KCNJ6: variants seen among roughly 807,000 people sequenced by gnomAD.
KCNJ6 encodes G protein-activated inward rectifier potassium channel 2.
A neutral mutation model predicts 34.2 loss-of-function variants in KCNJ6; 9 were observed. That is an observed-to-expected ratio of 0.26 (90% CI 0.16 to 0.46). The LOEUF (loss-of-function observed/expected upper bound fraction) is 0.46. Among genes scored for constraint, KCNJ6 ranks in the 20% least tolerant of loss-of-function variants. The pLI is 1.00. For missense variants in KCNJ6, 236 were observed against 531.3 expected, an observed-to-expected ratio of 0.44 and a Z score of 5.46; for synonymous variants, 196 against 207.1, an observed-to-expected ratio of 0.95 and a Z score of 0.46.
Position 37,614,768 on chromosome 21 carries a change from G to A in KCNJ6, c.*10391C>T, listed in dbSNP as rs562938351. 27 of 151,312 alleles carry A rather than the reference G, an allele frequency of 1.8e-4. No homozygotes were observed. The highest frequency in any genetic ancestry group is 6.1e-4 in the African/African-American group (25 of 41,018). The allele number at this position is 151,312 out of a possible 1,614,324, so 9.4% of individuals were successfully genotyped here. A position where few individuals can be genotyped will look rare whatever the true frequency, so the allele number is the denominator to read the frequency against. ...TCTCTGTATGTGTGTGTATGCATGT[G>A]TCTGTGTGTATGTGTGTGTGTATGC... On this transcript the variant is annotated 3_prime_UTR_variant, in exon 4 of 4. Transcript: ENST00000609713.
intron 2 of KCNJ6, among the ~76,000 whole-genome samples, chr21:37,761,451 GTGT>G (rs1329427619): frequency 3.0e-4 from 45 of 151,320 alleles, no homozygotes; most frequent in African/African-American, 1.1e-3. Flanking sequence ...ATATTTGTGT[GTGT>G]TGTGTGTATG....
chr21:37,661,587 G>A (rs2054488231), intron 3 of KCNJ6, among the ~76,000 whole-genome samples: 2 of 135,924 alleles, frequency 1.5e-5, no homozygotes, highest in South Asian at 4.9e-4. Flanking sequence ...AAAATTAGAA[G>A]CTCCACCCAT....
chr21:37,674,562 T>C (rs532176640), intron 3 of KCNJ6, among the ~76,000 whole-genome samples: 2 of 151,260 alleles, frequency 1.3e-5, no homozygotes, highest in Non-Finnish European at 2.9e-5. Context: ...AAGCTTCCTT[T>C]CACCACAGGG....
At chr21:37,887,351 C>G (rs2055741004) in intron 1 of KCNJ6, among the ~76,000 whole-genome samples, 1 of 152,160 alleles carries the variant, frequency 6.6e-6, no homozygotes, top group African/African-American at 2.4e-5. Context: ...TCCTGCAAAA[C>G]CAAGCCCCTT....
rs1601433626 is a variant in KCNJ6 at position 37,714,945 on chromosome 21, C to G, written c.212G>C (p.Arg71Thr). 1 of 1,613,902 alleles carries G rather than the reference C, an allele frequency of 6.2e-7. No homozygotes were observed. Among genetic ancestry groups the G allele is most frequent in the Non-Finnish European group, 8.5e-7 (1 of 1,179,962 alleles). Residue 71 changes from arginine (R) to threonine (T), a missense_variant, in exon 3 of 4, where the codon AGG becomes ACG. Physicochemically the swap from Arg to Thr is moderately conservative, Grantham distance 71 (BLOSUM62 -1). Transcript: ENST00000609713. This position sits in a 1 kb window ranked among gnomAD's most constrained non-coding sequence, Gnocchi z 5.9. Reference protein sequence around the residue: ...GKCNVHHGNVRETYRYLTDIF... With the variant: ...GKCNVHHGNVTETYRYLTDIF... Reference sequence around the variant, plus strand: ...ATCGGTCAGGTAGCGATAGGTCTCCCTCACGTTGCCGTGATGAACATTGCA... The same window carrying G: ...ATCGGTCAGGTAGCGATAGGTCTCCGTCACGTTGCCGTGATGAACATTGCA...
chr21:37,619,980 C>CT lies in KCNJ6; in HGVS notation c.*5178dup, dbSNP rs1018753367. The CT allele has an allele frequency of 6.6e-6, 1 of 152,190 alleles. No homozygotes were observed. The highest frequency in any genetic ancestry group is 1.5e-5 in the Non-Finnish European group (1 of 68,038). The allele number at this position is 152,190 out of a possible 1,614,324, so 9.4% of individuals were successfully genotyped here. A position where few individuals can be genotyped will look rare whatever the true frequency, so the allele number is the denominator to read the frequency against. On this transcript the variant is annotated 3_prime_UTR_variant, in exon 4 of 4. Transcript: ENST00000609713. ...AAGGATTCTTCCTTTGAGACCCTAA[C>CT]TGAATGACTGGGCTCTCTAAGTCTT...
intron 3 of KCNJ6, among the ~76,000 whole-genome samples, chr21:37,677,150 G>T (rs1043283294): frequency 2.0e-5 from 3 of 152,234 alleles, no homozygotes; most frequent in African/African-American, 7.2e-5. Flanking sequence ...TGGACTGCAG[G>T]ACTGGTCCCT....
intron 2 of KCNJ6, among the ~76,000 whole-genome samples, chr21:37,745,942 T>C (rs530295297): frequency 6.6e-6 from 1 of 152,280 alleles, no homozygotes; most frequent in East Asian, 1.9e-4. Context: ...TTTCTCACAG[T>C]TCTGAAGGCT....
chr21:37,641,032 G>T (rs2054378498), intron 3 of KCNJ6, among the ~76,000 whole-genome samples: 1 of 152,184 alleles, frequency 6.6e-6, no homozygotes, highest in Admixed American at 6.5e-5. Flanking sequence ...TAGGGAATAG[G>T]AAGAGGGAAT....
At chr21:37,734,240 G>GT (rs1010677417) in intron 2 of KCNJ6, among the ~76,000 whole-genome samples, 4 of 152,104 alleles carry the variant, frequency 2.6e-5, no homozygotes, top group African/African-American at 4.8e-5. Context: ...AAACCAGCTG[G>GT]TTTTTTTCCT....
At chr21:37,658,590 A>G (rs2054474848) in intron 3 of KCNJ6, among the ~76,000 whole-genome samples, 1 of 152,172 alleles carries the variant, frequency 6.6e-6, no homozygotes, top group Admixed American at 6.5e-5. Context: ...TCTGCAGAAT[A>G]GATGAAAAGA....
At chr21:37,835,292 C>T (rs1373042659) in intron 2 of KCNJ6, among the ~76,000 whole-genome samples, 1 of 152,120 alleles carries the variant, frequency 6.6e-6, no homozygotes, top group Non-Finnish European at 1.5e-5. Flanking sequence ...GGTGGGGGGT[C>T]CTAGGGAAGG....
chr21:37,640,542 T>C (rs940968583), intron 3 of KCNJ6, among the ~76,000 whole-genome samples: 1 of 152,240 alleles, frequency 6.6e-6, no homozygotes, highest in Non-Finnish European at 1.5e-5. Flanking sequence ...ATTAGCCTCA[T>C]TGATCAATAG....
intron 2 of KCNJ6, among the ~76,000 whole-genome samples, chr21:37,733,811 G>C (rs2054898652): frequency 6.6e-6 from 1 of 152,320 alleles, no homozygotes; most frequent in South Asian, 2.1e-4. Flanking sequence ...TGTTTTGTGA[G>C]TGTTGCATTT....
Position 37,611,938 on chromosome 21 carries a change from C to T in KCNJ6, c.*13221G>A, listed in dbSNP as rs2054244157. On this transcript the variant is annotated 3_prime_UTR_variant, in exon 4 of 4. Transcript: ENST00000609713. Reference sequence around the variant, plus strand: ...TAAGATCAGGAAAAAAAAGGTGTCCCCATCACTACTGCTTTTCAACATGAT... The same window carrying T: ...TAAGATCAGGAAAAAAAAGGTGTCCTCATCACTACTGCTTTTCAACATGAT... 1 of 152,078 alleles carries T rather than the reference C, an allele frequency of 6.6e-6. No homozygotes were observed. The highest frequency in any genetic ancestry group is 6.6e-5 in the Admixed American group (1 of 15,264). The allele number at this position is 152,078 out of a possible 1,614,324, so 9.4% of individuals were successfully genotyped here.
chr21:37,736,778 A>G (rs969008884), intron 2 of KCNJ6, among the ~76,000 whole-genome samples: 5 of 152,196 alleles, frequency 3.3e-5, no homozygotes, highest in African/African-American at 1.2e-4. Flanking sequence ...GCTGACAACC[A>G]TGCTTGAGGC....
chr21:37,840,796 T>A (rs2055476568), intron 1 of KCNJ6, 87 bp from the exon 2 acceptor site: 5 of 673,214 alleles, frequency 7.4e-6, no homozygotes, highest in Non-Finnish European at 1.3e-5. Context: ...ATATCTCTCT[T>A]CCTTCTTTTT....
At position 37,714,515 on chromosome 21, in the gene KCNJ6, C is replaced by A; in HGVS notation, c.642G>T (p.Arg214=). ...GGAACATCAGGCACAGTTTCCCATC[C>A]CGCATGGAGATCACTGCATGGGTGG... ...VFSTHAVISM[R]DGKLCLMFRV... is the part of the protein sequence containing the mutation. Residue 214 remains arginine (R), a synonymous_variant, in exon 3 of 4, where the codon CGG becomes CGT. Coordinates refer to ENST00000609713, the MANE Select transcript of KCNJ6 (RefSeq NM_002240.5). The surrounding 1 kb of genome is among the most constrained non-coding windows in gnomAD (Gnocchi z 5.9). The A allele has an allele frequency of 6.2e-7, 1 of 1,614,138 alleles. No individual in the cohort carries two copies. Among genetic ancestry groups the A allele is most frequent in the Non-Finnish European group, 8.5e-7 (1 of 1,180,028 alleles).
chr21:37,735,717 A>G lies in KCNJ6; in HGVS notation c.26-20586T>C, dbSNP rs545579687. Among the ~76,000 whole-genome samples, 9 of 152,320 alleles carry G rather than the reference A, an allele frequency of 5.9e-5. No homozygotes were observed. In the East Asian group the frequency reaches 1.7e-3, roughly 29 times the overall value. Reference sequence around the variant, plus strand: ...GGAAACCCACAGCTGGAGGCAGAGGACACAGGGACACCTGCTCTGAATGAG... The same window carrying G: ...GGAAACCCACAGCTGGAGGCAGAGGGCACAGGGACACCTGCTCTGAATGAG... On this transcript the variant is annotated intron_variant, in intron 2 of 3. Transcript: ENST00000609713.
Sources: gnomAD v4.1 joint callset for allele counts (sites outside exome capture counted in the v4.1 genomes callset) on GRCh38, gnomAD v4.1.1 for gene constraint, Gnocchi (gnomAD v3.1) non-coding constraint, MANE v1.5 for transcripts, NCBI Gene and HGNC (gene_info 2026-07-23, HGNC 2026-07-21) for gene names.